PCDHA5: variants seen among roughly 807,000 people sequenced by gnomAD.
PCDHA5 encodes protocadherin alpha 5.
A neutral mutation model predicts 61.6 loss-of-function variants in PCDHA5; 43 were observed. That is an observed-to-expected ratio of 0.70 (90% CI 0.55 to 0.90). The LOEUF (loss-of-function observed/expected upper bound fraction) is 0.90. Ranked by LOEUF, PCDHA5 falls within the 40% of genes least tolerant of loss-of-function variation. The pLI, the probability that PCDHA5 is intolerant of heterozygous loss-of-function variation, is 0.00. For missense variants in PCDHA5, 1,298 were observed against 1,222.7 expected, an observed-to-expected ratio of 1.06 and a Z score of -0.92; for synonymous variants, 627 against 543.9, an observed-to-expected ratio of 1.15 and a Z score of -2.13.
chr5:140,989,127 A>G (rs914524582), intron 3 of PCDHA5: 2 of 152,216 alleles, frequency 1.3e-5, no homozygotes, highest in Non-Finnish European at 2.9e-5. Context: ...TAGAAAAATA[A>G]GACACTTTAT....
chr5:140,933,137 A>C (rs1378585369), intron 1 of PCDHA5, among the ~76,000 whole-genome samples: 1 of 151,994 alleles, frequency 6.6e-6, no homozygotes, highest in African/African-American at 2.4e-5. Context: ...ATAAAGGTAG[A>C]TAGCCACTCA....
In PCDHA5 at chr5:140,830,512, T is replaced by C. The variant is rs2150187372; in HGVS notation, c.2352+6385T>C. The C allele has an allele frequency of 1.4e-4, 192 of 1,383,570 alleles. 1 individual carries two copies. The highest frequency in any genetic ancestry group is 1.8e-4 in the Non-Finnish European group (187 of 1,037,940). The allele number at this position is 1,383,570 out of a possible 1,614,324, so 85.7% of individuals were successfully genotyped here. On this transcript the variant is annotated intron_variant, in intron 1 of 3. Coordinates refer to ENST00000529859, the MANE Select transcript of PCDHA5 (RefSeq NM_018908.3). ...TAAGTGAATTTTCATAATTAACAGTTAATTTTTATTTTAAATTTATAATTG... is the reference window on the plus strand; with the variant it reads ...TAAGTGAATTTTCATAATTAACAGTCAATTTTTATTTTAAATTTATAATTG...
intron 1 of PCDHA5, chr5:140,847,946 T>C (rs1180480457): frequency 6.6e-6 from 1 of 151,812 alleles, no homozygotes; most frequent in Non-Finnish European, 1.5e-5. Context: ...CCTGGATTTC[T>C]CTTACACTAG....
At chr5:140,828,520 C>G in intron 1 of PCDHA5, 4 of 1,614,198 alleles carry the variant, frequency 2.5e-6, no homozygotes, top group Middle Eastern at 1.6e-4. Flanking sequence ...TGCTGATTTA[C>G]GAATCTAGGC....
At chr5:140,981,584 A>G (rs556917015) in intron 2 of PCDHA5, among the ~76,000 whole-genome samples, 1 of 152,258 alleles carries the variant, frequency 6.6e-6, no homozygotes, top group Non-Finnish European at 1.5e-5. Context: ...AAAAATAAAT[A>G]AAATAAAACA....
At chr5:140,853,256 C>T (rs943963814) in intron 1 of PCDHA5, 1 of 973,952 alleles carries the variant, frequency 1.0e-6, no homozygotes, top group Non-Finnish European at 1.2e-6. Context: ...TCTATTCTCT[C>T]TCAGAGTACA....
chr5:140,823,006 G>A lies in PCDHA5; in HGVS notation c.1231G>A (p.Ala411Thr). ...TTACTACTCGTTGGTGCTGGACAGCGCCCTGGACCGCGAGAGCGTGTCGGT... is the reference window on the plus strand; with the variant it reads ...TTACTACTCGTTGGTGCTGGACAGCACCCTGGACCGCGAGAGCGTGTCGGT... Reference protein sequence around the residue: ...KNYYSLVLDSALDRESVSVYE... With the variant: ...KNYYSLVLDSTLDRESVSVYE... The change falls in exon 1 of 4, where the codon GCC becomes ACC. Residue 411 changes from alanine (A) to threonine (T), a missense_variant. By Grantham distance (58) the Ala-to-Thr change is moderately conservative. Transcript: ENST00000529859. 6.2e-7 allele frequency: 1 copy of A among 1,614,228 alleles called. No homozygotes were observed. The highest frequency in any genetic ancestry group is 1.1e-5 in the South Asian group (1 of 91,092).
intron 1 of PCDHA5, among the ~76,000 whole-genome samples, chr5:140,837,845 T>C (rs1033041173): frequency 1.3e-5 from 2 of 151,414 alleles, no homozygotes; most frequent in Admixed American, 1.3e-4. Flanking sequence ...GCCTGGCTAA[T>C]TTTATTTTAT....
rs1489992894 is a variant in PCDHA5, at chr5:140,841,079, G to A, written c.2352+16952G>A. ...AAATTATGATAAAGAAATAGAAAGT[G>A]CATAGAAGAACCCAGATATTGCGGA... On this transcript the variant is annotated intron_variant, in intron 1 of 3. Transcript: ENST00000529859. 3.0e-5 allele frequency: 16 copies of A among 535,434 alleles called. No homozygotes were observed. The East Asian group carries it at 5.1e-4, about 17-fold the overall frequency. 33.2% of individuals were successfully genotyped at this position (535,434 alleles called of 1,614,324 possible). A position where few individuals can be genotyped will look rare whatever the true frequency, so the allele number is the denominator to read the frequency against.
intron 1 of PCDHA5, chr5:140,927,469 C>T (rs17844359): frequency 6.2e-7 from 1 of 1,614,082 alleles, no homozygotes; most frequent in Non-Finnish European, 8.5e-7. Context: ...AGCACTGGAT[C>T]GCGAACAGCG....
chr5:140,822,834 C>T lies in PCDHA5; in HGVS notation c.1059C>T (p.Thr353=). The T allele has an allele frequency of 1.9e-6, 3 of 1,614,218 alleles. No individual in the cohort carries two copies. The highest frequency in any genetic ancestry group is 2.5e-6 in the Non-Finnish European group (3 of 1,180,048). ...ATACCCCAGAGATGGCCATAACCACCCTTTTCCTGCCTGTCAAAGAGGACG... is the reference window on the plus strand; with the variant it reads ...ATACCCCAGAGATGGCCATAACCACTCTTTTCCTGCCTGTCAAAGAGGACG... ...NDNTPEMAIT[T]LFLPVKEDAP... is the part of the protein sequence containing the mutation. The change falls in exon 1 of 4, where the codon ACC becomes ACT. Residue 353 remains threonine (T), a synonymous_variant. Coordinates refer to ENST00000529859, the MANE Select transcript of PCDHA5 (RefSeq NM_018908.3).
chr5:140,840,891 T>G (rs921088657), intron 1 of PCDHA5, among the ~76,000 whole-genome samples: 2 of 152,014 alleles, frequency 1.3e-5, no homozygotes, highest in Non-Finnish European at 2.9e-5. Flanking sequence ...CTGATATCCA[T>G]GACATACAGG....
At chr5:140,944,642 T>C (rs535941591) in intron 1 of PCDHA5, among the ~76,000 whole-genome samples, 35 of 152,342 alleles carry the variant, frequency 2.3e-4, no homozygotes, top group African/African-American at 7.9e-4. Context: ...CCAGTGTGGA[T>C]TGGGAGTCCA....
intron 1 of PCDHA5, among the ~76,000 whole-genome samples, chr5:140,936,994 TA>T (rs1472246875): frequency 6.6e-6 from 1 of 152,140 alleles, no homozygotes; most frequent in Non-Finnish European, 1.5e-5. Context: ...ACATTGACAA[TA>T]TTGAGACAGA....
At chr5:141,003,328 G>C (rs941196932) in intron 3 of PCDHA5, among the ~76,000 whole-genome samples, 1 of 152,102 alleles carries the variant, frequency 6.6e-6, no homozygotes, top group Admixed American at 6.5e-5. Flanking sequence ...AGAGGGCAGG[G>C]TTTTTTGTTT....
chr5:140,888,606 G>A (rs2061900283), intron 1 of PCDHA5, among the ~76,000 whole-genome samples: 2 of 152,180 alleles, frequency 1.3e-5, no homozygotes, highest in African/African-American at 4.8e-5. Context: ...GCAGCTTTTA[G>A]TGTAGCACTA....
chr5:140,925,108 G>GGAAGGAAGGAAGGAAGGAA (rs1554202548), intron 1 of PCDHA5, among the ~76,000 whole-genome samples: 8 of 124,780 alleles, frequency 6.4e-5, no homozygotes, highest in South Asian at 4.6e-4. Context: ...GAAGGAAGGA[G>GGAAGGAAGGAAGGAAGGAA]GGAAGGAAGG....
intron 1 of PCDHA5, chr5:140,864,049 A>G (rs2048299792): frequency 6.5e-6 from 1 of 152,910 alleles, no homozygotes; most frequent in Non-Finnish European, 1.5e-5. Flanking sequence ...ACTTTTTACT[A>G]CAGTCACCAT....
chr5:140,844,834 C>T (rs1554140741), intron 1 of PCDHA5, among the ~76,000 whole-genome samples: 1 of 149,116 alleles, frequency 6.7e-6, no homozygotes, highest in Non-Finnish European at 1.5e-5. Context: ...TACACGTTTG[C>T]TTCTTGTGAC....
Sources: allele counts gnomAD v4.1 joint callset (sites outside exome capture counted in the v4.1 genomes callset), GRCh38; gene constraint gnomAD v4.1.1; transcripts MANE v1.5; gene names NCBI Gene and HGNC (gene_info 2026-07-23, HGNC 2026-07-21).